Variants in TRAF2 observed in about 807,000 individuals in gnomAD.
TRAF2 encodes the protein TNF receptor-associated factor 2.
A neutral mutation model predicts 55.6 loss-of-function variants in TRAF2; 6 were observed. The observed-to-expected ratio is 0.11, with a 90% CI of 0.06 to 0.21. The LOEUF (loss-of-function observed/expected upper bound fraction) is 0.21. TRAF2 is among the 10% of genes least tolerant of loss of function. The pLI, the probability that TRAF2 is intolerant of heterozygous loss-of-function variation, is 1.00. For synonymous variants in TRAF2, 329 were observed against 276.3 expected (o/e 1.19, Z -1.89); for missense variants, 561 against 684.5 (o/e 0.82, Z 2.01).
chr9:136,917,905 C>G (rs951886144), intron 7 of TRAF2, among the ~76,000 whole-genome samples: 2 of 152,086 alleles, frequency 1.3e-5, no homozygotes, highest in African/African-American at 4.8e-5. Context: ...CTGCCGCCAC[C>G]GTGCTCCTTG....
upstream of TRAF2, among the ~76,000 whole-genome samples, chr9:136,882,962 G>A (rs565471509): frequency 1.1e-4 from 16 of 152,228 alleles, no homozygotes; most frequent in East Asian, 2.7e-3. Context: ...CCTCCGCCTC[G>A]CAGGTTCAAG....
At chr9:136,882,100 C>T (rs1161080575), upstream of TRAF2, 7 of 952,866 alleles carry the variant, frequency 7.3e-6, no homozygotes, top group Non-Finnish European at 8.7e-6. Flanking sequence ...CCGTGGGGGG[C>T]CCAGCTTGGA....
At chr9:136,893,734 G>A (rs1407977457) in intron 1 of TRAF2, among the ~76,000 whole-genome samples, 1 of 152,132 alleles carries the variant, frequency 6.6e-6, no homozygotes, top group South Asian at 2.1e-4. Context: ...GGTCTGTGTG[G>A]TAGTGACCCT....
In TRAF2 at chr9:136,926,034, C is replaced by T. The variant is rs771423426; in HGVS notation, c.*133C>T. 70 of 1,107,302 alleles carry T rather than the reference C, an allele frequency of 6.3e-5. No homozygotes were observed. The highest frequency in any genetic ancestry group is 8.7e-5 in the Non-Finnish European group (64 of 737,880). The allele number at this position is 1,107,302 out of a possible 1,614,324, so 68.6% of individuals were successfully genotyped here. The stretch of plus-strand genomic sequence containing the variant: ...GCTTGGGCGCTTGGGAGGGTGTCGG[C>T]CTGCAGCCAAGTTCACTGTCACGGG... On this transcript the variant is annotated 3_prime_UTR_variant, in exon 11 of 11. Transcript: ENST00000247668.
chr9:136,901,233 C>T (rs756848416), intron 4 of TRAF2, among the ~76,000 whole-genome samples: 1 of 152,220 alleles, frequency 6.6e-6, no homozygotes, highest in Admixed American at 6.5e-5. Flanking sequence ...GTCGAGGCCA[C>T]TACAGCTCGC....
intron 6 of TRAF2, chr9:136,910,221 T>C: frequency 5.1e-6 from 3 of 587,852 alleles, no homozygotes; most frequent in East Asian, 2.8e-5. Context: ...CATCCTCCAG[T>C]GTACATAGCT....
Position 136,925,710 on chromosome 9 carries a change from A to C in TRAF2, c.1315A>C (p.Asn439His), listed in dbSNP as rs1345029426. ...GACCTTAATGCTGCTCGACCAGAATAACCGGGAGCACGTGATTGACGCCTT... is the reference window on the plus strand; with the variant it reads ...GACCTTAATGCTGCTCGACCAGAATCACCGGGAGCACGTGATTGACGCCTT... ...KVTLMLLDQN[N>H]REHVIDAFRP... Residue 439 changes from asparagine to histidine, a missense_variant, in exon 11 of 11, where the codon AAC becomes CAC. Asn to His is a moderately conservative substitution (Grantham distance 68). Around this residue, in one of 2 missense-constraint regions of TRAF2, gnomAD observed 135 missense variants for 207.7 expected, o/e 0.65. Coordinates refer to ENST00000247668, the MANE Select transcript of TRAF2 (RefSeq NM_021138.4). The C allele has an allele frequency of 2.5e-6, 4 of 1,614,068 alleles. No individual in the cohort carries two copies. Among genetic ancestry groups the C allele is most frequent in the Non-Finnish European group, 3.4e-6 (4 of 1,180,042 alleles).
At chr9:136,910,914 C>A (rs1039312575) in intron 6 of TRAF2, among the ~76,000 whole-genome samples, 1 of 152,236 alleles carries the variant, frequency 6.6e-6, no homozygotes, top group African/African-American at 2.4e-5. Context: ...CCTTTCCCTT[C>A]ACCTGGAGAC....
chr9:136,910,089 T>C (rs1210016643), intron 6 of TRAF2, 95 bp downstream of exon 6: 3 of 1,323,704 alleles, frequency 2.3e-6, no homozygotes, highest in African/African-American at 2.9e-5. Context: ...GTTATGACCC[T>C]TGTGCCCAAA....
chr9:136,915,352 A>G (rs998734059), intron 6 of TRAF2, among the ~76,000 whole-genome samples: 5 of 152,004 alleles, frequency 3.3e-5, no homozygotes, highest in Admixed American at 2.6e-4. Context: ...CCGTCTCCCG[A>G]GACTTGCCAG....
chr9:136,922,877 C>A (rs535776828), intron 9 of TRAF2, among the ~76,000 whole-genome samples: 1 of 114,738 alleles, frequency 8.7e-6, no homozygotes. Context: ...CCTGGGGGCA[C>A]GAGGTGGAGA....
At chr9:136,906,785 A>G (rs1012733150) in intron 4 of TRAF2, among the ~76,000 whole-genome samples, 6 of 152,222 alleles carry the variant, frequency 3.9e-5, no homozygotes, top group African/African-American at 1.4e-4. Context: ...TGTAAGCGGC[A>G]CGTTCAGTCT....
At chr9:136,901,705 A>G (rs1849823758) in intron 4 of TRAF2, among the ~76,000 whole-genome samples, 1 of 152,216 alleles carries the variant, frequency 6.6e-6, no homozygotes, top group Non-Finnish European at 1.5e-5. Context: ...TTTGCTCAGA[A>G]TCCTGGCTTT....
At chr9:136,899,729 T>C in intron 3 of TRAF2, 57 bp downstream of exon 3, 10 of 1,544,522 alleles carry the variant, frequency 6.5e-6, no homozygotes, top group Non-Finnish European at 8.9e-6. Flanking sequence ...TAATTTCCTT[T>C]ACAACATGGG....
At chr9:136,912,590 A>C (rs1850142152) in intron 6 of TRAF2, among the ~76,000 whole-genome samples, 1 of 152,176 alleles carries the variant, frequency 6.6e-6, no homozygotes, top group Non-Finnish European at 1.5e-5. Flanking sequence ...CTGTAATACC[A>C]GCATTTTAGG....
intron 10 of TRAF2, among the ~76,000 whole-genome samples, chr9:136,924,778 C>CA (rs1850479756): frequency 1.3e-5 from 2 of 151,960 alleles, no homozygotes; most frequent in Admixed American, 6.6e-5. Flanking sequence ...CTTGCTCTGT[C>CA]GCCCAGGCTG....
chr9:136,903,156 G>A (rs1379454731), intron 4 of TRAF2, among the ~76,000 whole-genome samples: 1 of 152,100 alleles, frequency 6.6e-6, no homozygotes, highest in Non-Finnish European at 1.5e-5. Flanking sequence ...TTACCACGTT[G>A]GCCAGGCTGG....
intron 4 of TRAF2, among the ~76,000 whole-genome samples, chr9:136,903,241 G>A (rs909499897): frequency 3.9e-5 from 6 of 152,218 alleles, no homozygotes; most frequent in Non-Finnish European, 8.8e-5. Flanking sequence ...ATAAGCCACT[G>A]CACCTGGCCA....
intron 7 of TRAF2, among the ~76,000 whole-genome samples, chr9:136,919,647 TTTCTGTCCCTCCCCCTCC>T (rs1850334247): frequency 1.3e-5 from 2 of 151,976 alleles, no homozygotes; most frequent in Admixed American, 1.3e-4. Flanking sequence ...TTTCTCTTCC[TTTCTGTCCCTCCCCCTCC>T]TTCTTTCCCT....
Sources: gnomAD v4.1 joint callset for allele counts (sites outside exome capture counted in the v4.1 genomes callset) on GRCh38, gnomAD v4.1.1 for gene constraint, gnomAD v4.1.1 regional missense constraint, MANE v1.5 for transcripts, NCBI Gene and HGNC (gene_info 2026-07-23, HGNC 2026-07-21) for gene names.